Variants in HS3ST4 observed in about 807,000 individuals in gnomAD.
The protein encoded by HS3ST4 is heparan sulfate glucosamine 3-O-sulfotransferase 4.
Under a neutral mutation model 29.2 loss-of-function variants are expected in HS3ST4, and 17 were observed. That is an observed-to-expected ratio of 0.58 (90% CI 0.40 to 0.87). The LOEUF (loss-of-function observed/expected upper bound fraction) is 0.87. HS3ST4 is among the 40% of genes least tolerant of loss of function. The probability of loss-of-function intolerance (pLI) is 0.00; values close to 1 mark genes in which losing one functional copy is unlikely to be tolerated. For synonymous variants in HS3ST4, 314 were observed against 285.7 expected (o/e 1.10, Z -1.00); for missense variants, 627 against 634.5 (o/e 0.99, Z 0.13).
rs865818293 is a variant in HS3ST4 at position 25,937,355 on chromosome 16, A to G, written c.735-198257A>G. ...GTTGAACTTGAAATCTTACCCATAGACTATTTATTTTTACAAACCTGTTGA... is the reference window on the plus strand; with the variant it reads ...GTTGAACTTGAAATCTTACCCATAGGCTATTTATTTTTACAAACCTGTTGA... On this transcript the variant is annotated intron_variant, in intron 1 of 1. Transcript: ENST00000331351. 9.9e-5 allele frequency among the ~76,000 whole-genome samples: 15 copies of G among 152,154 alleles called. No homozygotes were observed. The South Asian group carries it at 1.0e-3, about 11-fold the overall frequency.
intron 1 of HS3ST4, among the ~76,000 whole-genome samples, chr16:25,967,386 C>A (rs1308111812): frequency 2.0e-5 from 3 of 152,096 alleles, no homozygotes; most frequent in African/African-American, 4.8e-5. Flanking sequence ...ATTCTCTTGA[C>A]CTCGTGATCC....
chr16:25,809,620 A>T (rs557683401), intron 1 of HS3ST4, among the ~76,000 whole-genome samples: 2 of 152,322 alleles, frequency 1.3e-5, no homozygotes, highest in Admixed American at 1.3e-4. Context: ...TTTTCCAGTG[A>T]AACCATCTGG....
chr16:26,001,007 C>G (rs1418839101), intron 1 of HS3ST4, among the ~76,000 whole-genome samples: 1 of 152,026 alleles, frequency 6.6e-6, no homozygotes, highest in Non-Finnish European at 1.5e-5. Flanking sequence ...ACTGAAGAGG[C>G]ATAGCAATGA....
chr16:25,985,682 AT>A (rs1969054845), intron 1 of HS3ST4, among the ~76,000 whole-genome samples: 1 of 150,266 alleles, frequency 6.7e-6, no homozygotes, highest in Non-Finnish European at 1.5e-5. Context: ...TTCAAATTTT[AT>A]TTCTGTTTAT....
chr16:26,113,823 G>A (rs118148608), intron 1 of HS3ST4, among the ~76,000 whole-genome samples: 4,264 of 152,098 alleles, frequency 0.028, 103 homozygotes, highest in South Asian at 0.047. Context: ...GGGATGAAGG[G>A]GAGCATCATG....
At chr16:25,830,763 A>C (rs1567250155) in intron 1 of HS3ST4, among the ~76,000 whole-genome samples, 1 of 150,976 alleles carries the variant, frequency 6.6e-6, no homozygotes, top group Admixed American at 6.6e-5. Flanking sequence ...ATTGGTCTAC[A>C]TCTATACGAT....
rs565183134 is a variant in HS3ST4, at chr16:25,798,611, C to T, written c.734+105460C>T. Reference sequence around the variant, plus strand: ...GCTAATGGGGTGGTGGAAAACAGTCCCTCCACAGTGAATATTTTGAACAAT... The same window carrying T: ...GCTAATGGGGTGGTGGAAAACAGTCTCTCCACAGTGAATATTTTGAACAAT... On this transcript the variant is annotated intron_variant, in intron 1 of 1. Coordinates refer to ENST00000331351, the MANE Select transcript of HS3ST4 (RefSeq NM_006040.3). 2.0e-5 allele frequency among the ~76,000 whole-genome samples: 3 copies of T among 152,216 alleles called. No homozygotes were observed. The South Asian group carries it at 6.2e-4, about 32-fold the overall frequency.
At chr16:25,857,915 C>CTTTCTTTCTTTCTTT (rs1567257065) in intron 1 of HS3ST4, among the ~76,000 whole-genome samples, 1 of 55,306 alleles carries the variant, frequency 1.8e-5, no homozygotes, top group African/African-American at 7.5e-5. Flanking sequence ...TTCCTTCCTT[C>CTTTCTTTCTTTCTTT]CTTCCTTTCT....
intron 1 of HS3ST4, among the ~76,000 whole-genome samples, chr16:25,806,431 C>T (rs971679468): frequency 6.6e-6 from 1 of 152,150 alleles, no homozygotes; most frequent in African/African-American, 2.4e-5. Context: ...GGCCATTCCC[C>T]ATGCTCTCCC....
At chr16:25,908,850 G>C (rs1018172838) in intron 1 of HS3ST4, among the ~76,000 whole-genome samples, 1 of 152,232 alleles carries the variant, frequency 6.6e-6, no homozygotes, top group Admixed American at 6.5e-5. Flanking sequence ...AGTCCAACCA[G>C]GTGGTCTTGG....
In HS3ST4 at chr16:25,729,470, T is replaced by C. The variant is rs115979450; in HGVS notation, c.734+36319T>C. ...CCTGGTGCCTGGATCCCCATCCTCT[T>C]TTGATGACGTGTAGTTAGGTTCCAC... On this transcript the variant is annotated intron_variant, in intron 1 of 1. Coordinates refer to ENST00000331351, the MANE Select transcript of HS3ST4 (RefSeq NM_006040.3). Among the ~76,000 whole-genome samples, 286 of 152,292 alleles carry C rather than the reference T, an allele frequency of 1.9e-3. 1 individual carries two copies. Among genetic ancestry groups the C allele is most frequent in the African/African-American group, 6.5e-3 (271 of 41,576 alleles).
intron 1 of HS3ST4, among the ~76,000 whole-genome samples, chr16:25,716,670 C>T (rs892550726): frequency 1.3e-5 from 2 of 152,208 alleles, no homozygotes; most frequent in African/African-American, 2.4e-5. Flanking sequence ...CTTCTCTGTT[C>T]CAGGCATCGT....
chr16:25,951,402 G>A (rs1010481390), intron 1 of HS3ST4, among the ~76,000 whole-genome samples: 1 of 152,174 alleles, frequency 6.6e-6, no homozygotes, highest in African/African-American at 2.4e-5. Context: ...ACCTCTCTGA[G>A]TTTTGGTTTC....
intron 1 of HS3ST4, among the ~76,000 whole-genome samples, chr16:25,758,762 C>A (rs1369669281): frequency 6.6e-6 from 1 of 151,988 alleles, no homozygotes; most frequent in Non-Finnish European, 1.5e-5. Context: ...TTGAAACCAG[C>A]CTGACCAACA....
At chr16:26,071,247 G>A (rs1898600604) in intron 1 of HS3ST4, among the ~76,000 whole-genome samples, 1 of 152,182 alleles carries the variant, frequency 6.6e-6, no homozygotes, top group Admixed American at 6.5e-5. Context: ...ACATCCTTGA[G>A]AGGAGGTGAG....
chr16:25,947,557 T>A (rs1567278831), intron 1 of HS3ST4, among the ~76,000 whole-genome samples: 2 of 150,836 alleles, frequency 1.3e-5, no homozygotes, highest in African/African-American at 4.9e-5. Flanking sequence ...TATTTTTTTT[T>A]AATGCAAAAT....
intron 1 of HS3ST4, among the ~76,000 whole-genome samples, chr16:25,875,293 T>C (rs527826945): frequency 6.6e-6 from 1 of 152,248 alleles, no homozygotes; most frequent in South Asian, 2.1e-4. Context: ...CTCTTTTACT[T>C]GGTCCCATTT....
chr16:26,049,895 C>T (rs1384121169), intron 1 of HS3ST4, among the ~76,000 whole-genome samples: 1 of 152,146 alleles, frequency 6.6e-6, no homozygotes, highest in East Asian at 1.9e-4. Flanking sequence ...TGAAGAGGCG[C>T]ACAGGACAAA....
chr16:25,775,112 A>G (rs1966846416), intron 1 of HS3ST4, among the ~76,000 whole-genome samples: 1 of 152,186 alleles, frequency 6.6e-6, no homozygotes, highest in African/African-American at 2.4e-5. Context: ...TCCATCAAGG[A>G]TTCGAGGAGC....
Sources: allele counts gnomAD v4.1 joint callset (sites outside exome capture counted in the v4.1 genomes callset), GRCh38; gene constraint gnomAD v4.1.1; transcripts MANE v1.5; gene names NCBI Gene and HGNC (gene_info 2026-07-23, HGNC 2026-07-21).